CUL1: variants seen among roughly 807,000 people sequenced by gnomAD.
CUL1 encodes the protein cullin 1, also known as cullin-1.
CUL1 carries 24 observed loss-of-function variants against 118.0 expected under a neutral mutation model. That is an observed-to-expected ratio of 0.20 (90% CI 0.15 to 0.29). The LOEUF (loss-of-function observed/expected upper bound fraction) is 0.29, where lower values mean the gene tolerates loss of function less well. CUL1 is among the 10% of genes least tolerant of loss of function. The pLI is 1.00. For synonymous variants in CUL1, 332 were observed against 340.4 expected (o/e 0.98, Z 0.27); for missense variants, 361 against 933.8 (o/e 0.39, Z 7.99).
At chr7:148,774,634 G>A (rs1800337126) in intron 9 of CUL1, among the ~76,000 whole-genome samples, 2 of 152,142 alleles carry the variant, frequency 1.3e-5, no homozygotes, top group African/African-American at 4.8e-5. Context: ...GGTCTTCAGG[G>A]CAGAAGTAGC....
chr7:148,774,419 T>C (rs918366745), intron 9 of CUL1, among the ~76,000 whole-genome samples: 6 of 152,342 alleles, frequency 3.9e-5, no homozygotes, highest in South Asian at 4.1e-4. Context: ...CACCAGCTTA[T>C]AGCACAATGC....
intron 2 of CUL1, among the ~76,000 whole-genome samples, chr7:148,736,164 AC>A (rs1798935072): frequency 6.6e-6 from 1 of 152,102 alleles, no homozygotes; most frequent in Non-Finnish European, 1.5e-5. Flanking sequence ...ACACAGTGAG[AC>A]CCTGTTTTTA....
chr7:148,794,786 A>G (rs1350421304), intron 17 of CUL1, among the ~76,000 whole-genome samples: 4 of 152,124 alleles, frequency 2.6e-5, no homozygotes, highest in African/African-American at 4.8e-5. Flanking sequence ...ACTACTTTCA[A>G]TTTATTCCTA....
At chr7:148,724,948 C>T (rs1421272477) in intron 1 of CUL1, among the ~76,000 whole-genome samples, 1 of 152,054 alleles carries the variant, frequency 6.6e-6, no homozygotes, top group Non-Finnish European at 1.5e-5. Flanking sequence ...TACCCCTTAC[C>T]TAAAAACCAT....
At chr7:148,769,185 A>G (rs1442841429) in intron 9 of CUL1, among the ~76,000 whole-genome samples, 1 of 152,058 alleles carries the variant, frequency 6.6e-6, no homozygotes, top group Non-Finnish European at 1.5e-5. Flanking sequence ...TATTTTTTTA[A>G]ATAGAATGAT....
At chr7:148,772,368 T>C (rs2129461381) in intron 9 of CUL1, among the ~76,000 whole-genome samples, 1 of 151,964 alleles carries the variant, frequency 6.6e-6, no homozygotes, top group South Asian at 2.1e-4. Flanking sequence ...TGAGCCAAGA[T>C]TGCACTGCTG....
intron 9 of CUL1, among the ~76,000 whole-genome samples, chr7:148,770,176 T>G (rs1800160765): frequency 6.6e-6 from 1 of 152,206 alleles, no homozygotes; most frequent in South Asian, 2.1e-4. Context: ...TGAGGAAGCT[T>G]CATCCGTCAG....
At chr7:148,763,188 C>T (rs1390570052) in intron 7 of CUL1, among the ~76,000 whole-genome samples, 1 of 151,874 alleles carries the variant, frequency 6.6e-6, no homozygotes, top group Non-Finnish European at 1.5e-5. Context: ...GGCCTGACAC[C>T]AAAGACGGTT....
chr7:148,783,415 T>G, intron 9 of CUL1: 1 of 985,466 alleles, frequency 1.0e-6, no homozygotes, highest in Non-Finnish European at 1.2e-6. Context: ...GCTAAACGCC[T>G]TCTCCAGCTG....
chr7:148,772,039 G>A (rs911773956), intron 9 of CUL1, among the ~76,000 whole-genome samples: 10 of 152,148 alleles, frequency 6.6e-5, no homozygotes, highest in African/African-American at 2.4e-4. Context: ...TCACCTTAAT[G>A]ATTTTTTTGA....
At chr7:148,723,661 C>G (rs78487634) in intron 1 of CUL1, among the ~76,000 whole-genome samples, 2 of 112,106 alleles carry the variant, frequency 1.8e-5, no homozygotes, top group African/African-American at 8.9e-5. Flanking sequence ...ATATGACTCA[C>G]CAAAAAAAAA....
At chr7:148,781,112 C>T (rs545125678) in intron 9 of CUL1, among the ~76,000 whole-genome samples, 10 of 82,894 alleles carry the variant, frequency 1.2e-4, no homozygotes, top group Admixed American at 7.3e-4. Context: ...GACAGAGTCT[C>T]GCACCGTCAC....
intron 1 of CUL1, among the ~76,000 whole-genome samples, chr7:148,727,063 G>C (rs2129459513): frequency 6.6e-6 from 1 of 152,232 alleles, no homozygotes; most frequent in East Asian, 1.9e-4. Context: ...AGCATTATGA[G>C]CGTAGACGAT....
intron 1 of CUL1, among the ~76,000 whole-genome samples, chr7:148,699,369 C>T (rs1199014994): frequency 6.6e-6 from 1 of 152,032 alleles, no homozygotes; most frequent in African/African-American, 2.4e-5. Flanking sequence ...TTCCCCGCCG[C>T]GACCGGGCTG....
chr7:148,719,271 A>C (rs981557176), intron 1 of CUL1, among the ~76,000 whole-genome samples: 1 of 152,122 alleles, frequency 6.6e-6, no homozygotes, highest in Non-Finnish European at 1.5e-5. Context: ...AGATTGCGCC[A>C]CTGCACTCCA....
chr7:148,795,712 G>T (rs1455700834), intron 17 of CUL1, among the ~76,000 whole-genome samples: 1 of 150,318 alleles, frequency 6.7e-6, no homozygotes, highest in Non-Finnish European at 1.5e-5. Flanking sequence ...GCAGCTTGCA[G>T]TGAGCCCTGA....
At chr7:148,699,900 G>A (rs1797666712) in intron 1 of CUL1, among the ~76,000 whole-genome samples, 2 of 152,128 alleles carry the variant, frequency 1.3e-5, no homozygotes. Context: ...CCCCAGACTC[G>A]GGGGTCGTCG....
intron 2 of CUL1, among the ~76,000 whole-genome samples, chr7:148,746,929 C>T (rs550333713): frequency 6.6e-6 from 1 of 152,194 alleles, no homozygotes; most frequent in East Asian, 1.9e-4. Context: ...CAGGTGGACC[C>T]GAGAGTGGGT....
chr7:148,800,608 G>T lies in CUL1; in HGVS notation c.*26G>T. 1 of 1,544,484 alleles carries T rather than the reference G, an allele frequency of 6.5e-7. No individual in the cohort carries two copies. The highest frequency in any genetic ancestry group is 1.1e-5 in the South Asian group (1 of 88,558). ...CCCTTCTGGAAGGGTCTGACTGTGT[G>T]ACCCGCAGCAAATAGTTCATGTTGG... is the stretch of plus-strand genomic sequence containing the variant. On this transcript the variant is annotated 3_prime_UTR_variant, in exon 22 of 22. Transcript: ENST00000325222. The surrounding 1 kb of genome is among the most constrained non-coding windows in gnomAD (Gnocchi z 4.6).
Sources: gnomAD v4.1 joint callset for allele counts (sites outside exome capture counted in the v4.1 genomes callset) on GRCh38, gnomAD v4.1.1 for gene constraint, Gnocchi (gnomAD v3.1) non-coding constraint, MANE v1.5 for transcripts, NCBI Gene and HGNC (gene_info 2026-07-23, HGNC 2026-07-21) for gene names.